TBC1D5: variants seen among roughly 807,000 people sequenced by gnomAD.
TBC1D5 encodes TBC1 domain family, member 5.
In TBC1D5, 75 loss-of-function variants were observed where a neutral mutation model predicts 100.3. That is an observed-to-expected ratio of 0.75 (90% CI 0.62 to 0.91). The LOEUF is 0.91. TBC1D5 is among the 40% of genes least tolerant of loss of function. The pLI is 0.00. For synonymous variants in TBC1D5, 323 were observed against 325.6 expected (o/e 0.99, Z 0.09); for missense variants, 910 against 942.4 (o/e 0.97, Z 0.45).
At chr3:17,178,851 T>C (rs556769571) in intron 19 of TBC1D5, among the ~76,000 whole-genome samples, 3 of 152,106 alleles carry the variant, frequency 2.0e-5, no homozygotes, top group East Asian at 3.9e-4. Flanking sequence ...TCCTCTGTTA[T>C]CTAGACTGGT....
chr3:17,729,577 C>T (rs1428189341), intron 1 of TBC1D5, among the ~76,000 whole-genome samples: 3 of 151,926 alleles, frequency 2.0e-5, no homozygotes, highest in Admixed American at 2.0e-4. Flanking sequence ...CGTTGTGGTA[C>T]GCACCTGTAG....
At chr3:17,623,799 T>A (rs1158762828) in intron 2 of TBC1D5, 50 bp downstream of exon 2, 1 of 152,210 alleles carries the variant, frequency 6.6e-6, no homozygotes. Context: ...AACTGCTGTG[T>A]TGGGCATACA....
At chr3:17,593,288 CT>C (rs1208829107) in intron 2 of TBC1D5, among the ~76,000 whole-genome samples, 2 of 152,156 alleles carry the variant, frequency 1.3e-5, no homozygotes, top group African/African-American at 2.4e-5. Flanking sequence ...CCAGCTGCCC[CT>C]GTCATCACCC....
At chr3:17,597,433 G>A (rs1170665118) in intron 2 of TBC1D5, among the ~76,000 whole-genome samples, 4 of 152,056 alleles carry the variant, frequency 2.6e-5, no homozygotes, top group African/African-American at 9.7e-5. Flanking sequence ...GGTAAAGCTG[G>A]GATTTGAACC....
chr3:17,252,979 A>G (rs1306605732), intron 16 of TBC1D5, among the ~76,000 whole-genome samples: 1 of 152,246 alleles, frequency 6.6e-6, no homozygotes, highest in African/African-American at 2.4e-5. Flanking sequence ...TGTGGGTCTT[A>G]GAATCATCAT....
chr3:17,530,238 C>T (rs1258361241), intron 2 of TBC1D5, among the ~76,000 whole-genome samples: 30 of 132,000 alleles, frequency 2.3e-4, no homozygotes, highest in East Asian at 2.2e-3. Context: ...AGCGAGACTT[C>T]GTCTCAAAAA....
intron 2 of TBC1D5, among the ~76,000 whole-genome samples, chr3:17,609,049 C>T (rs1036255398): frequency 6.6e-6 from 1 of 152,178 alleles, no homozygotes; most frequent in Admixed American, 6.5e-5. Flanking sequence ...CAATGTTTTA[C>T]AACATGCTTT....
chr3:17,181,611 G>A (rs1025534737), intron 19 of TBC1D5, among the ~76,000 whole-genome samples: 2 of 152,106 alleles, frequency 1.3e-5, no homozygotes, highest in African/African-American at 2.4e-5. Context: ...CTGTTTCTCA[G>A]ACACCACTTC....
intron 2 of TBC1D5, among the ~76,000 whole-genome samples, chr3:17,579,693 T>C (rs961406083): frequency 2.2e-4 from 34 of 152,134 alleles, no homozygotes; most frequent in Non-Finnish European, 3.8e-4. Context: ...CATCATCCAA[T>C]TTAAAAAGCA....
rs557836166 is a variant in TBC1D5, at chr3:17,163,382, AT to A, written c.2095-2127del. Among the ~76,000 whole-genome samples the A allele has an allele frequency of 1.4e-4, 21 of 152,004 alleles. No individual in the cohort carries two copies. In the South Asian group the frequency reaches 4.2e-3, roughly 30 times the overall value. On this transcript the variant is annotated intron_variant, in intron 21 of 21. Coordinates refer to ENST00000253692, the Ensembl canonical transcript of TBC1D5. ...CCACTCTTCTGGACTCCCACCTAGA[AT>A]TTTTTTCAAGAGGCAGAGTTGACTT...
Position 17,624,744 on chromosome 3 carries a change from C to T in TBC1D5, c.-100-831G>A, listed in dbSNP as rs182518836. ...AAGAACAGGGTATCTGTACTATATA[C>T]ACCTCTCAACAACTGAAGAACATGT... On this transcript the variant is annotated intron_variant, in intron 1 of 21. Transcript: ENST00000253692. 2.0e-5 allele frequency among the ~76,000 whole-genome samples: 3 copies of T among 152,126 alleles called. No individual in the cohort carries two copies. The East Asian group carries it at 5.8e-4, about 29-fold the overall frequency.
At chr3:17,406,332 T>C in intron 5 of TBC1D5, 86 bp downstream of exon 5, 1 of 1,166,988 alleles carries the variant, frequency 8.6e-7, no homozygotes, top group Non-Finnish European at 1.2e-6. Flanking sequence ...AATTCAGTGA[T>C]CCCCTGCATG....
At chr3:17,173,495 G>C (rs1559348557) in intron 19 of TBC1D5, among the ~76,000 whole-genome samples, 1 of 152,146 alleles carries the variant, frequency 6.6e-6, no homozygotes, top group Admixed American at 6.5e-5. Context: ...CTTGGGTTTT[G>C]ATGACCCTGA....
intron 16 of TBC1D5, among the ~76,000 whole-genome samples, chr3:17,243,198 G>T (rs1273561285): frequency 1.3e-5 from 2 of 152,054 alleles, no homozygotes; most frequent in Non-Finnish European, 2.9e-5. Context: ...ATCCTGTCTG[G>T]ACCCAAGTTT....
chr3:17,219,442 T>C lies in TBC1D5; in HGVS notation c.1589-5072A>G, dbSNP rs948345842. Among the ~76,000 whole-genome samples, 7 of 151,492 alleles carry C rather than the reference T, an allele frequency of 4.6e-5. No individual in the cohort carries two copies. In the Admixed American group the frequency reaches 4.6e-4, roughly 10 times the overall value. ...TTCCTCTGACACAGTCTGTATTGCCTGCTTTTTCCCCTTTGTGTGGGCCAT... is the reference window on the plus strand; with the variant it reads ...TTCCTCTGACACAGTCTGTATTGCCCGCTTTTTCCCCTTTGTGTGGGCCAT... On this transcript the variant is annotated intron_variant, in intron 17 of 21. Coordinates refer to ENST00000253692, the Ensembl canonical transcript of TBC1D5.
chr3:17,237,640 A>G, intron 17 of TBC1D5, among the ~76,000 whole-genome samples: 1 of 152,204 alleles, frequency 6.6e-6, no homozygotes, highest in Admixed American at 6.5e-5. Context: ...GGACTCATAC[A>G]CTTACTTTGG....
intron 1 of TBC1D5, among the ~76,000 whole-genome samples, chr3:17,709,813 A>G (rs1210310296): frequency 2.0e-5 from 3 of 152,190 alleles, no homozygotes; most frequent in Non-Finnish European, 4.4e-5. Context: ...CCCAAGTACA[A>G]AAAAGTCATG....
intron 13 of TBC1D5, among the ~76,000 whole-genome samples, chr3:17,362,137 A>C (rs1293353508): frequency 6.6e-6 from 1 of 152,196 alleles, no homozygotes; most frequent in Non-Finnish European, 1.5e-5. Flanking sequence ...CTTACATAAA[A>C]ATTAAGCCAA....
intron 10 of TBC1D5, 107 bp from the exon 11 acceptor site, chr3:17,374,786 A>G: frequency 9.4e-7 from 1 of 1,068,880 alleles, no homozygotes; most frequent in Non-Finnish European, 1.4e-6. Flanking sequence ...ATGCAAACGA[A>G]AAAAATTAGT....
Sources: gnomAD v4.1 joint callset for allele counts (sites outside exome capture counted in the v4.1 genomes callset) on GRCh38, gnomAD v4.1.1 for gene constraint, MANE v1.5 for transcripts, NCBI Gene and HGNC (gene_info 2026-07-23, HGNC 2026-07-21) for gene names.